The following UBE2Q2 variants were observed in gnomAD, a reference collection of about 807,000 sequenced individuals.
UBE2Q2 encodes ubiquitin conjugating enzyme E2 Q2.
UBE2Q2 carries 54 observed loss-of-function variants against 59.9 expected under a neutral mutation model. That is an observed-to-expected ratio of 0.90 (90% confidence interval 0.72 to 1.13). The LOEUF is 1.13. Among genes scored for constraint, UBE2Q2 ranks in the 50% most tolerant of loss-of-function variants. UBE2Q2 has a pLI of 0.00. For missense variants in UBE2Q2, 433 were observed against 441.9 expected, an observed-to-expected ratio of 0.98 and a Z score of 0.18; for synonymous variants, 165 against 155.2, an observed-to-expected ratio of 1.06 and a Z score of -0.47.
intron 9 of UBE2Q2, among the ~76,000 whole-genome samples, chr15:75,886,831 C>T (rs981117110): frequency 6.6e-6 from 1 of 151,362 alleles, no homozygotes; most frequent in Non-Finnish European, 1.5e-5. Flanking sequence ...AGGTTGCAGT[C>T]CAGCCTGGGC....
Position 75,897,036 on chromosome 15 carries a change from C to A in UBE2Q2, c.1071C>A (p.Ser357=). Residue 357 remains serine, a synonymous_variant, in exon 12 of 13, where the codon TCC becomes TCA. Coordinates refer to ENST00000267938, the MANE Select transcript of UBE2Q2 (RefSeq NM_173469.4). The part of the protein sequence containing the change: ...NLARAQQSYN[S]IVQIHEKNGW... ...CAAGAGCCCAACAATCCTATAATTC[C>A]ATTGTACAGATACATGAGAAAAATG... 6.4e-7 allele frequency: 1 copy of A among 1,572,630 alleles called. No homozygotes were observed. The highest frequency in any genetic ancestry group is 8.6e-7 in the Non-Finnish European group (1 of 1,156,904).
In UBE2Q2 at chr15:75,900,530, C is replaced by A. The variant is rs1023619830; in HGVS notation, c.*1072C>A. ...GGTAATAGATTTTTTTATACACCCA[C>A]GTTTGATTTAAAAGTAAATTCTAGT... On this transcript the variant is annotated 3_prime_UTR_variant, in exon 13 of 13. Coordinates refer to ENST00000267938, the MANE Select transcript of UBE2Q2 (RefSeq NM_173469.4). 4 of 151,540 alleles carry A rather than the reference C, an allele frequency of 2.6e-5. No homozygotes were observed. The highest frequency in any genetic ancestry group is 9.8e-5 in the African/African-American group (4 of 41,006). The allele number at this position is 151,540 out of a possible 1,614,324, so 9.4% of individuals were successfully genotyped here.
At chr15:75,853,091 GT>G (rs1284099867) in intron 1 of UBE2Q2, among the ~76,000 whole-genome samples, 1 of 152,146 alleles carries the variant, frequency 6.6e-6, no homozygotes, top group Non-Finnish European at 1.5e-5. Context: ...ATCATACAAA[GT>G]AACAGAGTAA....
rs970364218 is a variant in UBE2Q2, at chr15:75,900,586, C to T, written c.*1128C>T. On this transcript the variant is annotated 3_prime_UTR_variant, in exon 13 of 13. Transcript: ENST00000267938. ...AGCACTTTTAACAAATCCAGAAGCA[C>T]ATTTTTCTGCACAAACAAGTTACAA... The T allele has an allele frequency of 2.0e-5, 3 of 152,486 alleles. No homozygotes were observed. Among genetic ancestry groups the T allele is most frequent in the African/African-American group, 7.2e-5 (3 of 41,390 alleles). 9.4% of individuals were successfully genotyped at this position (152,486 alleles called of 1,614,324 possible). A position where few individuals can be genotyped will look rare whatever the true frequency, so the allele number is the denominator to read the frequency against.
chr15:75,852,633 C>T (rs1256822948), intron 1 of UBE2Q2, among the ~76,000 whole-genome samples: 2 of 152,042 alleles, frequency 1.3e-5, no homozygotes, highest in Non-Finnish European at 2.9e-5. Flanking sequence ...GTTTCTTTAG[C>T]CTAAGGGAAA....
intron 3 of UBE2Q2, 73 bp downstream of exon 3, chr15:75,860,055 T>C: frequency 9.4e-7 from 1 of 1,065,834 alleles, no homozygotes; most frequent in Non-Finnish European, 1.4e-6. Flanking sequence ...AGGATGATTT[T>C]TCTTTTTATT....
intron 3 of UBE2Q2, among the ~76,000 whole-genome samples, chr15:75,860,941 T>C (rs1352865418): frequency 6.6e-6 from 1 of 152,246 alleles, no homozygotes; most frequent in African/African-American, 2.4e-5. Context: ...GAGCTCTAGC[T>C]TCTGAAAAAT....
At chr15:75,869,207 T>G (rs979141287) in intron 4 of UBE2Q2, among the ~76,000 whole-genome samples, 197 bp downstream of exon 4, 2 of 152,248 alleles carry the variant, frequency 1.3e-5, no homozygotes, top group African/African-American at 2.4e-5. Flanking sequence ...ATCTGAATTC[T>G]TTGGATTTGA....
intron 9 of UBE2Q2, among the ~76,000 whole-genome samples, chr15:75,887,783 G>GT (rs1898868172): frequency 6.6e-6 from 1 of 152,164 alleles, no homozygotes; most frequent in African/African-American, 2.4e-5. Flanking sequence ...GTGAAGTGAG[G>GT]AGAACCTACA....
intron 1 of UBE2Q2, chr15:75,844,185 G>A: frequency 6.9e-7 from 1 of 1,446,604 alleles, no homozygotes. Context: ...CCTGCTCCCG[G>A]GACCGGGGCG....
chr15:75,873,970 C>G (rs1157178435), intron 5 of UBE2Q2, among the ~76,000 whole-genome samples: 4 of 152,144 alleles, frequency 2.6e-5, no homozygotes, highest in Non-Finnish European at 5.9e-5. Flanking sequence ...ACTGGGATTA[C>G]AGGCATGAGC....
At chr15:75,881,196 T>C (rs140737853) in intron 8 of UBE2Q2, among the ~76,000 whole-genome samples, 37 of 151,944 alleles carry the variant, frequency 2.4e-4, no homozygotes, top group Non-Finnish European at 5.0e-4. Flanking sequence ...AATTGAATTA[T>C]ATGTCCTTAT....
chr15:75,883,003 G>A (rs755514817), intron 8 of UBE2Q2, among the ~76,000 whole-genome samples: 1 of 152,088 alleles, frequency 6.6e-6, no homozygotes, highest in Admixed American at 6.5e-5. Context: ...GCTCTCTGGT[G>A]TTCCCTTTTC....
chr15:75,891,497 T>TA (rs202184146), intron 11 of UBE2Q2, among the ~76,000 whole-genome samples: 14 of 151,918 alleles, frequency 9.2e-5, no homozygotes, highest in East Asian at 7.7e-4. Context: ...TTTTTTTTTT[T>TA]AAATCTTTTT....
Position 75,854,484 on chromosome 15 carries a change from T to G in UBE2Q2, c.279T>G (p.Asn93Lys). ...GTCTAGAAGATACTAAGAACAACAATTTGGTAAGAAAATAAGCCAAGCTAT... is the reference window on the plus strand; with the variant it reads ...GTCTAGAAGATACTAAGAACAACAAGTTGGTAAGAAAATAAGCCAAGCTAT... ...LERLEDTKNN[N>K]LLRQQLKWLI... The change falls in exon 2 of 13, where the codon AAT (asparagine) becomes AAG (lysine). Residue 93 changes from asparagine (N) to lysine (K), a missense_variant. Coordinates refer to ENST00000267938, the MANE Select transcript of UBE2Q2 (RefSeq NM_173469.4). 1 of 1,603,898 alleles carries G rather than the reference T, an allele frequency of 6.2e-7. No individual in the cohort carries two copies. The highest frequency in any genetic ancestry group is 1.1e-5 in the South Asian group (1 of 89,118).
chr15:75,848,196 A>G (rs1219954122), intron 1 of UBE2Q2, among the ~76,000 whole-genome samples: 5 of 152,252 alleles, frequency 3.3e-5, no homozygotes, highest in Non-Finnish European at 4.4e-5. Context: ...TATAAAAGCG[A>G]TGGTGTCATT....
chr15:75,844,845 C>T (rs1428659330), intron 1 of UBE2Q2, among the ~76,000 whole-genome samples: 1 of 152,058 alleles, frequency 6.6e-6, no homozygotes, highest in African/African-American at 2.4e-5. Context: ...TTTTTAACTC[C>T]CTTTGGTTGA....
chr15:75,899,290 A>AATATATATATAT (rs200041298), intron 12 of UBE2Q2, 137 bp from the exon 13 acceptor site: 1 of 240,434 alleles, frequency 4.2e-6, no homozygotes. Flanking sequence ...ATATATATAT[A>AATATATATATAT]ATATATATAT....
At chr15:75,895,043 GGGCGTGGT>G (rs1312379286) in intron 11 of UBE2Q2, 2 of 151,926 alleles carry the variant, frequency 1.3e-5, no homozygotes, top group African/African-American at 4.8e-5. Context: ...AAAATTAGCT[GGGCGTGGT>G]GGCGGGCGCC....
Sources: allele counts gnomAD v4.1 joint callset (sites outside exome capture counted in the v4.1 genomes callset), GRCh38; gene constraint gnomAD v4.1.1; transcripts MANE v1.5; gene names NCBI Gene and HGNC (gene_info 2026-07-23, HGNC 2026-07-21).